RBBP8: variants seen among roughly 807,000 people sequenced by gnomAD.
The protein encoded by RBBP8 is DNA endonuclease RBBP8.
RBBP8 carries 88 observed loss-of-function variants against 108.3 expected under a neutral mutation model. That is an observed-to-expected ratio of 0.81 (90% confidence interval 0.68 to 0.97). The LOEUF (loss-of-function observed/expected upper bound fraction) is 0.97. RBBP8 is among the 50% of genes least tolerant of loss of function. The probability of loss-of-function intolerance (pLI) is 0.00; values close to 1 mark genes in which losing one functional copy is unlikely to be tolerated. For missense variants in RBBP8, 1,023 were observed against 1,049.0 expected, an observed-to-expected ratio of 0.98 and a Z score of 0.34; for synonymous variants, 332 against 348.2, an observed-to-expected ratio of 0.95 and a Z score of 0.52.
chr18:22,933,395 G>A lies in RBBP8; in HGVS notation c.-268G>A, dbSNP rs1298292922. 1 of 153,280 alleles carries A rather than the reference G, an allele frequency of 6.5e-6. No homozygotes were observed. Among genetic ancestry groups the A allele is most frequent in the Admixed American group, 6.5e-5 (1 of 15,290 alleles). 9.5% of individuals were successfully genotyped at this position (153,280 alleles called of 1,614,324 possible). On this transcript the variant is annotated 5_prime_UTR_variant, in exon 1 of 19. Transcript: ENST00000327155. ...CCTCCGAGCCCGGCCGGCAGCCCCC[G>A]GCCTTAAAGCGCGGGCTGTCCGGAG...
chr18:22,937,216 C>G, intron 2 of RBBP8: 1 of 519,906 alleles, frequency 1.9e-6, no homozygotes, highest in Admixed American at 3.4e-5. Flanking sequence ...CCCTGACCCT[C>G]CACCCTCATG....
intron 4 of RBBP8, among the ~76,000 whole-genome samples, chr18:22,958,817 T>C (rs576217974): frequency 6.6e-6 from 1 of 152,310 alleles, no homozygotes; most frequent in East Asian, 1.9e-4. Context: ...ACTGAGATTA[T>C]AGGCATGAGC....
At chr18:22,981,712 C>G (rs6507420) in intron 6 of RBBP8, among the ~76,000 whole-genome samples, 2 of 152,218 alleles carry the variant, frequency 1.3e-5, no homozygotes, top group African/African-American at 4.8e-5. Context: ...GCAGACAGAG[C>G]GGCTTGCCTG....
chr18:22,941,929 C>G (rs1433311592), intron 2 of RBBP8, among the ~76,000 whole-genome samples: 1 of 152,104 alleles, frequency 6.6e-6, no homozygotes, highest in Non-Finnish European at 1.5e-5. Context: ...TGAATAAGTA[C>G]TATTTTTTAA....
Position 22,990,539 on chromosome 18 carries a change from TTAACA to T in RBBP8, c.808-389_808-385del, listed in dbSNP as rs1245953532. Among the ~76,000 whole-genome samples the T allele has an allele frequency of 1.1e-4, 16 of 152,296 alleles. No homozygotes were observed. In the East Asian group the frequency reaches 2.5e-3, roughly 24 times the overall value. On this transcript the variant is annotated intron_variant, in intron 9 of 18. Coordinates refer to ENST00000327155, the MANE Select transcript of RBBP8 (RefSeq NM_002894.3). Reference sequence around the variant, plus strand: ...CTTCATATTTTTCATTGTGGTGAAATTAACATAACATAAATTAATTATTTTGAAGT... The same window carrying T: ...CTTCATATTTTTCATTGTGGTGAAATTAACATAAATTAATTATTTTGAAGT...
intron 16 of RBBP8, among the ~76,000 whole-genome samples, chr18:23,014,496 TG>T (rs1229956316): frequency 6.6e-6 from 1 of 152,108 alleles, no homozygotes; most frequent in Non-Finnish European, 1.5e-5. Context: ...AGCTGGGTCT[TG>T]TGGCTTGCAC....
intron 18 of RBBP8, among the ~76,000 whole-genome samples, chr18:23,023,535 T>C (rs1480776941): frequency 6.6e-6 from 1 of 152,206 alleles, no homozygotes; most frequent in African/African-American, 2.4e-5. Flanking sequence ...ATTTTTCTGG[T>C]TTTATATTTT....
chr18:22,932,747 A>G (rs183325026), upstream of RBBP8, among the ~76,000 whole-genome samples: 5 of 152,334 alleles, frequency 3.3e-5, no homozygotes, highest in Admixed American at 6.5e-5. Flanking sequence ...ACGAACAGCC[A>G]CAAGAAAAAT....
chr18:22,938,869 G>A (rs1392967093), intron 2 of RBBP8, among the ~76,000 whole-genome samples: 3 of 152,208 alleles, frequency 2.0e-5, no homozygotes, highest in African/African-American at 7.2e-5. Context: ...CGTGTAAACA[G>A]ATAATTACAG....
At chr18:23,016,786 C>G in intron 16 of RBBP8, 42 bp from the exon 17 acceptor site, 1 of 1,372,954 alleles carries the variant, frequency 7.3e-7, no homozygotes, top group South Asian at 1.2e-5. Flanking sequence ...TATTTCTCCT[C>G]TGAACTCTAA....
intron 4 of RBBP8, among the ~76,000 whole-genome samples, chr18:22,961,760 G>A (rs565517108): frequency 1.9e-4 from 29 of 152,284 alleles, no homozygotes; most frequent in African/African-American, 5.8e-4. Flanking sequence ...TGGACACCCC[G>A]TTCTAAAGCT....
At chr18:23,014,744 C>T (rs1007682910) in intron 16 of RBBP8, among the ~76,000 whole-genome samples, 2 of 152,166 alleles carry the variant, frequency 1.3e-5, no homozygotes, top group East Asian at 1.9e-4. Flanking sequence ...GGCTTTGACC[C>T]TCCTAGGTTT....
chr18:22,990,551 AAATT>A (rs1342296569), intron 9 of RBBP8, among the ~76,000 whole-genome samples: 1 of 150,108 alleles, frequency 6.7e-6, no homozygotes, highest in African/African-American at 2.4e-5. Flanking sequence ...AACATAACAT[AAATT>A]AATTATTTTG....
chr18:22,956,282 T>TA (rs111432959), intron 4 of RBBP8, among the ~76,000 whole-genome samples: 2,905 of 152,280 alleles, frequency 0.019, 91 homozygotes, highest in African/African-American at 0.063. Context: ...CTGAGACCTT[T>TA]AAAAGCAACA....
In RBBP8 at chr18:22,984,895, A is replaced by G; in HGVS notation, c.614A>G (p.Lys205Arg). The change falls in exon 8 of 19, where the codon AAA becomes AGA. Residue 205 changes from lysine to arginine, a missense_variant. Transcript: ENST00000327155. ...EHSVCANEMR[K>R]VSKSSTHPQH... ...TTTTTTCTCCCCTTAGAAATGAGAA[A>G]AGTTTCCAAGTCTTCAACTCATCCA... The G allele has an allele frequency of 5.6e-6, 9 of 1,596,682 alleles. No homozygotes were observed. The highest frequency in any genetic ancestry group is 7.7e-6 in the Non-Finnish European group (9 of 1,166,028).
intron 10 of RBBP8, among the ~76,000 whole-genome samples, chr18:22,992,546 T>C (rs562725797): frequency 3.7e-4 from 56 of 152,334 alleles, no homozygotes; most frequent in Admixed American, 8.5e-4. Flanking sequence ...AGGAAAAATT[T>C]TTAAAATATG....
chr18:22,973,939 A>G (rs1220915653), intron 5 of RBBP8, among the ~76,000 whole-genome samples: 1 of 152,186 alleles, frequency 6.6e-6, no homozygotes, highest in African/African-American at 2.4e-5. Context: ...CTCCTTTGTT[A>G]GACTGCACAT....
intron 15 of RBBP8, among the ~76,000 whole-genome samples, chr18:23,006,144 C>T (rs765547694): frequency 6.6e-5 from 10 of 151,758 alleles, no homozygotes; most frequent in Non-Finnish European, 1.5e-4. Flanking sequence ...AGAGATTGTG[C>T]CACTGCACTC....
chr18:23,004,128 G>A (rs911400254), intron 15 of RBBP8, among the ~76,000 whole-genome samples: 2 of 150,592 alleles, frequency 1.3e-5, no homozygotes, highest in Non-Finnish European at 3.0e-5. Flanking sequence ...ACTACTGGGT[G>A]TATATCCAAA....
Sources: allele counts gnomAD v4.1 joint callset (sites outside exome capture counted in the v4.1 genomes callset), GRCh38; gene constraint gnomAD v4.1.1; transcripts MANE v1.5; gene names NCBI Gene and HGNC (gene_info 2026-07-23, HGNC 2026-07-21).